MMP26: variants seen among roughly 807,000 people sequenced by gnomAD.
The protein encoded by MMP26 is matrix metallopeptidase 26, also known as matrix metalloproteinase-26.
A neutral mutation model predicts 31.0 loss-of-function variants in MMP26; 33 were observed. That is an observed-to-expected ratio of 1.06 (90% confidence interval 0.81 to 1.42). The LOEUF (loss-of-function observed/expected upper bound fraction) is 1.42, where lower values mean the gene tolerates loss of function less well. Among genes scored for constraint, MMP26 ranks in the 40% most tolerant of loss-of-function variants. The probability of loss-of-function intolerance (pLI) is 0.00; values close to 1 mark genes in which losing one functional copy is unlikely to be tolerated. For synonymous variants in MMP26, 122 were observed against 114.9 expected, an observed-to-expected ratio of 1.06 and a Z score of -0.40; for missense variants, 347 against 316.1, an observed-to-expected ratio of 1.10 and a Z score of -0.74.
intron 1 of MMP26, chr11:4,723,706 T>C: frequency 9.9e-7 from 1 of 1,007,782 alleles, no homozygotes; most frequent in South Asian, 1.3e-5. Context: ...CAGCTTCTCC[T>C]GGCCCAGAGT....
chr11:4,946,289 G>A, intron 2 of MMP26: 1 of 1,613,894 alleles, frequency 6.2e-7, no homozygotes, highest in South Asian at 1.1e-5. Context: ...ATTAATGAGG[G>A]GAGAGACATG....
chr11:4,758,363 A>G (rs1365160943), intron 1 of MMP26, among the ~76,000 whole-genome samples: 1 of 151,990 alleles, frequency 6.6e-6, no homozygotes, highest in Non-Finnish European at 1.5e-5. Flanking sequence ...AGGAAGAGGC[A>G]CAAGTGAACA....
At chr11:4,971,373 T>A (rs747904671) in intron 2 of MMP26, among the ~76,000 whole-genome samples, 1 of 152,198 alleles carries the variant, frequency 6.6e-6, no homozygotes, top group Non-Finnish European at 1.5e-5. Flanking sequence ...AAGTGAAAAG[T>A]CTGGGGGTCC....
intron 2 of MMP26, among the ~76,000 whole-genome samples, chr11:4,767,703 T>TAGAA (rs71280818): frequency 0.33 from 50,431 of 151,926 alleles, 10,122 homozygotes; most frequent in African/African-American, 0.55. Context: ...AATGCATAGT[T>TAGAA]AGATATGCAA....
intron 2 of MMP26, among the ~76,000 whole-genome samples, chr11:4,918,357 C>A (rs1221010611): frequency 3.9e-5 from 6 of 152,180 alleles, no homozygotes; most frequent in Admixed American, 3.9e-4. Context: ...TGGATCACAT[C>A]TTTTTTTCCT....
At chr11:4,883,712 A>G (rs1458969413) in intron 2 of MMP26, among the ~76,000 whole-genome samples, 1 of 152,088 alleles carries the variant, frequency 6.6e-6, no homozygotes, top group Non-Finnish European at 1.5e-5. Context: ...ACCTTCTGGT[A>G]TACTCATCAC....
intron 1 of MMP26, among the ~76,000 whole-genome samples, chr11:4,724,619 A>T (rs4309159): frequency 0.13 from 19,274 of 152,324 alleles, 1,642 homozygotes; most frequent in Middle Eastern, 0.2. Context: ...TATAAAATCT[A>T]AAGATAAGGT....
At chr11:4,799,561 A>G (rs1459843639) in intron 2 of MMP26, among the ~76,000 whole-genome samples, 4 of 152,154 alleles carry the variant, frequency 2.6e-5, no homozygotes, top group African/African-American at 7.2e-5. Context: ...AAAATGTATC[A>G]TTATGCCCTG....
At chr11:4,817,937 C>T (rs1228842161) in intron 2 of MMP26, among the ~76,000 whole-genome samples, 2 of 152,174 alleles carry the variant, frequency 1.3e-5, no homozygotes, top group African/African-American at 4.8e-5. Flanking sequence ...GGTATGAGAG[C>T]ATGAGAAAGA....
At chr11:4,729,118 T>C in intron 1 of MMP26, among the ~76,000 whole-genome samples, 1 of 151,988 alleles carries the variant, frequency 6.6e-6, no homozygotes, top group East Asian at 1.9e-4. Context: ...CATTAAATAT[T>C]AAATATTAAA....
chr11:4,722,458 G>A (rs868304602), intron 1 of MMP26, among the ~76,000 whole-genome samples: 9 of 147,498 alleles, frequency 6.1e-5, no homozygotes, highest in Middle Eastern at 3.5e-3. Context: ...CACCTAAGGC[G>A]TGAAGTAATT....
At position 4,837,165 on chromosome 11, in the gene MMP26, A is replaced by G. The variant is rs547581345; in HGVS notation, c.-145+69824A>G. Among the ~76,000 whole-genome samples, 14 of 152,178 alleles carry G rather than the reference A, an allele frequency of 9.2e-5. No individual in the cohort carries two copies. The South Asian group carries it at 2.5e-3, about 27-fold the overall frequency. ...GTGCAAATGTAATTGCTATTTTGTC[A>G]TTATTTTTAATGGCAAAAACTGCAA... is the stretch of plus-strand genomic sequence containing the variant. On this transcript the variant is annotated intron_variant, in intron 2 of 7. Transcript: ENST00000380390.
At chr11:4,932,184 A>G (rs1166490369) in intron 2 of MMP26, among the ~76,000 whole-genome samples, 1 of 152,132 alleles carries the variant, frequency 6.6e-6, no homozygotes, top group Non-Finnish European at 1.5e-5. Context: ...ACACTGATTC[A>G]TAATTCGCAG....
intron 2 of MMP26, among the ~76,000 whole-genome samples, chr11:4,941,422 C>T (rs1204265786): frequency 6.6e-6 from 1 of 152,148 alleles, no homozygotes; most frequent in Non-Finnish European, 1.5e-5. Context: ...GTAAGTCTTC[C>T]TACCTCTGTA....
chr11:4,720,516 G>A (rs1056800183), intron 1 of MMP26, among the ~76,000 whole-genome samples: 1 of 152,120 alleles, frequency 6.6e-6, no homozygotes, highest in African/African-American at 2.4e-5. Flanking sequence ...TTAGTACAAA[G>A]AACTGGATAA....
intron 2 of MMP26, among the ~76,000 whole-genome samples, chr11:4,933,455 C>A (rs840717): frequency 2.0e-5 from 3 of 151,580 alleles, no homozygotes; most frequent in Middle Eastern, 3.4e-3. Context: ...GCAATTTACA[C>A]GGTATGTAAA....
chr11:4,739,371 G>A (rs1373671757), intron 1 of MMP26, among the ~76,000 whole-genome samples: 2 of 152,074 alleles, frequency 1.3e-5, no homozygotes, highest in African/African-American at 4.8e-5. Context: ...TCTTTTCCAT[G>A]TTGACTTTAT....
chr11:4,944,688 T>G (rs1375554391), intron 2 of MMP26: 1 of 152,106 alleles, frequency 6.6e-6, no homozygotes, highest in African/African-American at 2.4e-5. Context: ...TTTCGCAATA[T>G]GCAAGATTTT....
chr11:4,877,306 C>G (rs1456183258), intron 2 of MMP26: 1 of 152,246 alleles, frequency 6.6e-6, no homozygotes, highest in Non-Finnish European at 1.5e-5. Context: ...ATCTGCAGTG[C>G]TGCTTTTCTA....
Sources: allele counts gnomAD v4.1 joint callset (sites outside exome capture counted in the v4.1 genomes callset), GRCh38; gene constraint gnomAD v4.1.1; transcripts MANE v1.5; gene names NCBI Gene and HGNC (gene_info 2026-07-23, HGNC 2026-07-21).